The following AFG1L variants were observed in gnomAD, a reference collection of about 807,000 sequenced individuals.
The protein encoded by AFG1L is AFG1-like ATPase.
In AFG1L, 53 loss-of-function variants were observed where a neutral mutation model predicts 62.2. The observed-to-expected ratio is 0.85, with a 90% CI of 0.68 to 1.07. The LOEUF is 1.07. Ranked by LOEUF, AFG1L falls within the 50% of genes least tolerant of loss-of-function variation. The pLI is 0.00. For synonymous variants in AFG1L, 228 were observed against 210.3 expected, an observed-to-expected ratio of 1.08 and a Z score of -0.73; for missense variants, 555 against 590.5, an observed-to-expected ratio of 0.94 and a Z score of 0.62.
At chr6:108,476,765 C>CTTT in intron 8 of AFG1L, 100 bp from the exon 9 acceptor site, 1 of 745,948 alleles carries the variant, frequency 1.3e-6, no homozygotes. Context: ...ACATCCTGTT[C>CTTT]TTTTTTTTTA....
At chr6:108,381,997 GTTTTTTTTTTTT>G (rs768825605) in intron 6 of AFG1L, among the ~76,000 whole-genome samples, 3 of 118,328 alleles carry the variant, frequency 2.5e-5, no homozygotes, top group Admixed American at 1.8e-4. Context: ...TTTATTCACT[GTTTTTTTTTTTT>G]TTTTTTTTGA....
intron 1 of AFG1L, among the ~76,000 whole-genome samples, chr6:108,296,282 G>A (rs903949728): frequency 2.6e-5 from 4 of 152,124 alleles, no homozygotes; most frequent in African/African-American, 9.7e-5. Flanking sequence ...GTCGTTAAAA[G>A]TAAATAAATA....
At chr6:108,318,788 C>T (rs746245107) in intron 1 of AFG1L, among the ~76,000 whole-genome samples, 4 of 152,072 alleles carry the variant, frequency 2.6e-5, no homozygotes, top group South Asian at 2.1e-4. Context: ...GTGGAACTTC[C>T]GAATGGCATT....
chr6:108,519,385 T>C (rs1264445029), intron 11 of AFG1L, among the ~76,000 whole-genome samples: 1 of 152,186 alleles, frequency 6.6e-6, no homozygotes, highest in East Asian at 1.9e-4. Flanking sequence ...GGCAAAAGCA[T>C]TGGACTAAGA....
chr6:108,492,426 C>T (rs912305983), intron 10 of AFG1L, among the ~76,000 whole-genome samples: 1 of 152,174 alleles, frequency 6.6e-6, no homozygotes, highest in Non-Finnish European at 1.5e-5. Flanking sequence ...GTACTAATTA[C>T]TTCATCATTA....
intron 5 of AFG1L, among the ~76,000 whole-genome samples, chr6:108,361,734 C>T (rs986710992): frequency 2.0e-5 from 3 of 152,128 alleles, no homozygotes; most frequent in African/African-American, 7.2e-5. Flanking sequence ...AAGAGGAACT[C>T]CCTCATTTCA....
At chr6:108,482,763 G>T (rs1477343674) in intron 10 of AFG1L, among the ~76,000 whole-genome samples, 9 of 151,610 alleles carry the variant, frequency 5.9e-5, no homozygotes, top group African/African-American at 2.2e-4. Context: ...TGGAATGATG[G>T]TCTTTGGGGA....
At chr6:108,321,289 T>G (rs1243155960) in intron 1 of AFG1L, among the ~76,000 whole-genome samples, 1 of 152,192 alleles carries the variant, frequency 6.6e-6, no homozygotes, top group Non-Finnish European at 1.5e-5. Context: ...TGATTTATGA[T>G]AAAGCATACA....
At chr6:108,435,137 G>A (rs1014012061) in intron 7 of AFG1L, among the ~76,000 whole-genome samples, 1 of 152,180 alleles carries the variant, frequency 6.6e-6, no homozygotes. Context: ...GAGATTGGCA[G>A]CAGTGTATTA....
chr6:108,302,404 A>G, intron 1 of AFG1L, among the ~76,000 whole-genome samples: 1 of 152,178 alleles, frequency 6.6e-6, no homozygotes, highest in East Asian at 1.9e-4. Context: ...TATTTTTCAC[A>G]TAGGCTTTTA....
chr6:108,332,764 T>C lies in AFG1L; in HGVS notation c.363+8716T>C, dbSNP rs368726469. Among the ~76,000 whole-genome samples the C allele has an allele frequency of 3.3e-5, 5 of 152,070 alleles. No homozygotes were observed. The East Asian group carries it at 9.7e-4, about 29-fold the overall frequency. On this transcript the variant is annotated intron_variant, in intron 2 of 12. Transcript: ENST00000368977. ...CAGGGACTACATGTGCATACCACCA[T>C]GCCTGGCTAATTTTTTGTATTTTGT... is the stretch of plus-strand genomic sequence containing the variant.
At chr6:108,484,322 G>A (rs72938694) in intron 10 of AFG1L, among the ~76,000 whole-genome samples, 89 of 152,312 alleles carry the variant, frequency 5.8e-4, no homozygotes, top group Non-Finnish European at 1.1e-3. Flanking sequence ...CCACAGCATA[G>A]TGACAGGGAG....
At chr6:108,455,853 C>T (rs1371562825) in intron 8 of AFG1L, among the ~76,000 whole-genome samples, 1 of 151,948 alleles carries the variant, frequency 6.6e-6, no homozygotes, top group Non-Finnish European at 1.5e-5. Context: ...GCTTTATGGC[C>T]CAGAATATGA....
At position 108,440,025 on chromosome 6, in the gene AFG1L, C is replaced by T. The variant is rs183359874; in HGVS notation, c.808-7189C>T. Among the ~76,000 whole-genome samples, 570 of 152,146 alleles carry T rather than the reference C, an allele frequency of 3.7e-3. 6 individuals are homozygous for T. The highest frequency in any genetic ancestry group is 0.013 in the African/African-American group (548 of 41,510). ...CTATATATAATATGATAGATGTCTA[C>T]CTCTGTAATCTCCATATGTATAGGA... On this transcript the variant is annotated intron_variant, in intron 7 of 12. Coordinates refer to ENST00000368977, the MANE Select transcript of AFG1L (RefSeq NM_145315.5).
chr6:108,350,326 A>G (rs1004518521), intron 3 of AFG1L, among the ~76,000 whole-genome samples: 3 of 151,278 alleles, frequency 2.0e-5, no homozygotes, highest in African/African-American at 4.9e-5. Context: ...TTTTTTTAAG[A>G]AAAATTTAAA....
At chr6:108,495,399 C>G (rs971266432) in intron 10 of AFG1L, among the ~76,000 whole-genome samples, 4 of 152,174 alleles carry the variant, frequency 2.6e-5, no homozygotes, top group Non-Finnish European at 5.9e-5. Context: ...CATAATCGTC[C>G]TACTTCAGCT....
intron 6 of AFG1L, among the ~76,000 whole-genome samples, chr6:108,374,269 T>C (rs1281445300): frequency 6.6e-6 from 1 of 152,244 alleles, no homozygotes; most frequent in East Asian, 1.9e-4. Flanking sequence ...GCAAATATTT[T>C]ATCCCTTTCT....
intron 10 of AFG1L, among the ~76,000 whole-genome samples, chr6:108,485,795 C>T (rs2114838516): frequency 6.8e-6 from 1 of 147,828 alleles, no homozygotes. Context: ...CCTCAGCCTC[C>T]CAAGTAGCTG....
At chr6:108,479,420 A>C (rs1394283349) in intron 10 of AFG1L, among the ~76,000 whole-genome samples, 1 of 152,082 alleles carries the variant, frequency 6.6e-6, no homozygotes, top group Non-Finnish European at 1.5e-5. Context: ...CTAGACTGTA[A>C]TTGTGGGGTG....
Sources: gnomAD v4.1 joint callset for allele counts (sites outside exome capture counted in the v4.1 genomes callset) on GRCh38, gnomAD v4.1.1 for gene constraint, MANE v1.5 for transcripts, NCBI Gene and HGNC (gene_info 2026-07-23, HGNC 2026-07-21) for gene names.